The following COPS9 variants were observed in gnomAD, a reference collection of about 807,000 sequenced individuals.
COPS9 encodes COP9 signalosome subunit 9.
In COPS9, 8 loss-of-function variants were observed where a neutral mutation model predicts 7.2. That is an observed-to-expected ratio of 1.11 (90% CI 0.65 to 2.00). COPS9 has a LOEUF of 2.00. Among genes scored for constraint, COPS9 ranks in the 30% most tolerant of loss-of-function variants. The pLI is 0.00. For missense variants in COPS9, 74 were observed against 77.7 expected, an observed-to-expected ratio of 0.95 and a Z score of 0.18; for synonymous variants, 39 against 28.7, an observed-to-expected ratio of 1.36 and a Z score of -1.14.
intron 1 of COPS9, 65 bp downstream of exon 1, chr2:240,136,157 C>T: frequency 7.1e-7 from 1 of 1,405,928 alleles, no homozygotes; most frequent in Non-Finnish European, 9.2e-7. Flanking sequence ...CGCACCAGGA[C>T]GCCGCCCTTC....
intron 1 of COPS9, chr2:240,135,857 T>G: frequency 3.5e-6 from 1 of 283,894 alleles, no homozygotes. Flanking sequence ...CCACACGAGG[T>G]TATGGAGACG....
intron 2 of COPS9, among the ~76,000 whole-genome samples, chr2:240,133,458 G>C (rs1055419298): frequency 6.6e-6 from 1 of 152,216 alleles, no homozygotes; most frequent in Admixed American, 6.5e-5. Context: ...TGATTTCAGA[G>C]CTGGGCAAGA....
chr2:240,131,225 T>A, intron 2 of COPS9, 137 bp from the exon 3 acceptor site: 1 of 1,063,302 alleles, frequency 9.4e-7, no homozygotes, highest in Non-Finnish European at 1.4e-6. Context: ...ACTTTTCCCG[T>A]AACAGACTTT....
At chr2:240,126,944 G>C, downstream of COPS9, 1 of 1,609,142 alleles carries the variant, frequency 6.2e-7, no homozygotes, top group Non-Finnish European at 8.5e-7. Context: ...CACATCTCTG[G>C]GGAGAGACAA....
intron 1 of COPS9, chr2:240,134,217 CTT>C: frequency 1.8e-6 from 1 of 545,578 alleles, no homozygotes; most frequent in African/African-American, 1.9e-5. Context: ...CTCTCAAGGG[CTT>C]CTGTTCCTTG....
At position 240,133,937 on chromosome 2, in the gene COPS9, A is replaced by G; in HGVS notation, c.132T>C (p.Phe44=). ...ANEKAVHADF[F]NDFEDLFDDD... ...TCCCATTCCAAGCATCCTTACCGTT[A>G]AAAAAGTCTGCATGAACGGCCTTTT... The change falls in exon 2 of 3, where the codon TTT becomes TTC. Residue 44 remains phenylalanine (F), a synonymous_variant. Coordinates refer to ENST00000607357, the MANE Select transcript of COPS9 (RefSeq NM_001163424.2). 1 of 1,613,802 alleles carries G rather than the reference A, an allele frequency of 6.2e-7. No homozygotes were observed. Among genetic ancestry groups the G allele is most frequent in the Non-Finnish European group, 8.5e-7 (1 of 1,179,700 alleles).
chr2:240,131,392 G>C (rs924617355), intron 2 of COPS9, among the ~76,000 whole-genome samples: 1 of 152,200 alleles, frequency 6.6e-6, no homozygotes, highest in African/African-American at 2.4e-5. Context: ...TCAGCACTCA[G>C]GACACGCCAG....
downstream of COPS9, among the ~76,000 whole-genome samples, chr2:240,129,271 T>C (rs1039561804): frequency 6.6e-6 from 1 of 152,216 alleles, no homozygotes; most frequent in African/African-American, 2.4e-5. Flanking sequence ...GAAGTGATCC[T>C]CCTGCCCTAG....
Position 240,131,018 on chromosome 2 carries a change from A to G in COPS9, c.*33T>C, listed in dbSNP as rs1161898639. ...AGGCTCACACTGCGGCTCTGTACCA[A>G]GGGCTTGGCCCCGCCTGCAGCCAGA... On this transcript the variant is annotated 3_prime_UTR_variant, in exon 3 of 3. Transcript: ENST00000607357. 3.1e-6 allele frequency: 5 copies of G among 1,611,676 alleles called. No individual in the cohort carries two copies. Among genetic ancestry groups the G allele is most frequent in the Non-Finnish European group, 4.2e-6 (5 of 1,179,130 alleles).
At chr2:240,126,641 A>C (rs114131179), downstream of COPS9, 22 of 1,614,100 alleles carry the variant, frequency 1.4e-5, no homozygotes, top group Non-Finnish European at 1.8e-5. Context: ...CATCACTCTT[A>C]AAACATTTAC....
intron 2 of COPS9, 96 bp from the exon 3 acceptor site, chr2:240,131,184 G>T: frequency 7.5e-7 from 1 of 1,327,024 alleles, no homozygotes; most frequent in Non-Finnish European, 1.1e-6. Context: ...AAAATACAGA[G>T]ATAATCGTCA....
chr2:240,135,602 A>G (rs577924175), intron 1 of COPS9, among the ~76,000 whole-genome samples: 2 of 152,308 alleles, frequency 1.3e-5, no homozygotes, highest in Admixed American at 6.5e-5. Context: ...CTGTGAACAC[A>G]ATAGAGACCA....
intron 1 of COPS9, chr2:240,135,897 C>T (rs2071972625): frequency 2.6e-6 from 1 of 388,118 alleles, no homozygotes; most frequent in Non-Finnish European, 4.6e-6. Context: ...GTGCTGCAGC[C>T]ATCGAAGAGC....
Position 240,130,866 on chromosome 2 carries a change from T to C in COPS9, c.*185A>G. 2.8e-6 allele frequency: 4 copies of C among 1,424,862 alleles called. No individual in the cohort carries two copies. The highest frequency in any genetic ancestry group is 2.7e-6 in the Non-Finnish European group (3 of 1,091,486). 88.3% of individuals were successfully genotyped at this position (1,424,862 alleles called of 1,614,324 possible). A position where few individuals can be genotyped will look rare whatever the true frequency, so the allele number is the denominator to read the frequency against. ...TTTTAATTGGAGTGAGGACAAAACC[T>C]GATCCCGTTCAGAGATGAACAGAAT... On this transcript the variant is annotated 3_prime_UTR_variant, in exon 3 of 3. Transcript: ENST00000607357.
At chr2:240,128,507 G>A (rs905778218), downstream of COPS9, among the ~76,000 whole-genome samples, 10 of 152,276 alleles carry the variant, frequency 6.6e-5, no homozygotes, top group South Asian at 2.1e-4. Context: ...GGCATTCCCC[G>A]CAGAGCTGTG....
chr2:240,129,324 A>G (rs1159809374), downstream of COPS9, among the ~76,000 whole-genome samples: 1 of 152,066 alleles, frequency 6.6e-6, no homozygotes, highest in Non-Finnish European at 1.5e-5. Context: ...CACCATGCTC[A>G]GCTCATTTTT....
chr2:240,130,302 C>T (rs1013640955), downstream of COPS9, among the ~76,000 whole-genome samples: 1 of 152,206 alleles, frequency 6.6e-6, no homozygotes, highest in Non-Finnish European at 1.5e-5. Context: ...CTGAGAAACA[C>T]TCTTCACTTC....
downstream of COPS9, chr2:240,129,791 C>G (rs13400707): frequency 2.2e-3 from 1,782 of 797,918 alleles, 7 homozygotes; most frequent in African/African-American, 0.02. Context: ...ACGACGTGCA[C>G]GCCTGGCCGC....
downstream of COPS9, chr2:240,129,915 T>A: frequency 1.2e-6 from 2 of 1,613,780 alleles, no homozygotes; most frequent in Non-Finnish European, 1.7e-6. Flanking sequence ...TCTTACCTCT[T>A]CCGACACCAC....
Sources: allele counts gnomAD v4.1 joint callset (sites outside exome capture counted in the v4.1 genomes callset), GRCh38; gene constraint gnomAD v4.1.1; transcripts MANE v1.5; gene names NCBI Gene and HGNC (gene_info 2026-07-23, HGNC 2026-07-21).